Variants in SOX5 observed in about 807,000 individuals in gnomAD.
The protein encoded by SOX5 is transcription factor SOX-5.
In SOX5, 9 loss-of-function variants were observed where a neutral mutation model predicts 92.0. That is an observed-to-expected ratio of 0.10 (90% CI 0.06 to 0.17). SOX5 has a LOEUF of 0.17. Ranked by LOEUF, SOX5 falls within the 10% of genes least tolerant of loss-of-function variation. SOX5 has a pLI of 1.00. For synonymous variants in SOX5, 344 were observed against 336.3 expected (o/e 1.02, Z -0.25); for missense variants, 642 against 944.5 (o/e 0.68, Z 4.20).
intron 1 of SOX5, among the ~76,000 whole-genome samples, chr12:24,369,102 G>A (rs1595984963): frequency 6.6e-6 from 1 of 152,304 alleles, no homozygotes; most frequent in Admixed American, 6.5e-5. Context: ...CGCCTAGCAT[G>A]CTGTCTGACA....
intron 1 of SOX5, among the ~76,000 whole-genome samples, chr12:23,916,474 T>C (rs118042602): frequency 0.016 from 2,500 of 152,264 alleles, 33 homozygotes; most frequent in Non-Finnish European, 0.027. Flanking sequence ...TTACTTGCCA[T>C]ATGGACTGTC....
intron 2 of SOX5, among the ~76,000 whole-genome samples, chr12:24,344,656 G>C (rs1389178754): frequency 6.6e-6 from 1 of 152,164 alleles, no homozygotes; most frequent in East Asian, 1.9e-4. Flanking sequence ...AGGTGGAGTG[G>C]AATTTGCCAG....
At chr12:24,017,085 G>A (rs6487369) in intron 4 of SOX5, among the ~76,000 whole-genome samples, 60,104 of 152,054 alleles carry the variant, frequency 0.4, 12,426 homozygotes, top group East Asian at 0.62. Flanking sequence ...GTGAGGCAGT[G>A]TCGAGCCACT....
Position 23,895,899 on chromosome 12 carries a change from T to A in SOX5, c.164A>T (p.His55Leu). 1 of 1,614,062 alleles carries A rather than the reference T, an allele frequency of 6.2e-7. No individual in the cohort carries two copies. Among genetic ancestry groups the A allele is most frequent in the Admixed American group, 1.7e-5 (1 of 60,022 alleles). ...DGLPAFHLPL[H>L]VSFPNKPHSE... ...GTGAGGCTTGTTGGGAAAACTCACA[T>A]GCAAGGGAAGGTGAAAGGCTGGGAG... The change falls in exon 2 of 15, where the codon CAT (histidine) becomes CTT (leucine). Residue 55 changes from histidine to leucine, a missense_variant. By Grantham distance (99) the His-to-Leu change is moderately conservative. Transcript: ENST00000451604.
chr12:24,307,000 G>A (rs1948641128), intron 2 of SOX5, among the ~76,000 whole-genome samples: 1 of 152,078 alleles, frequency 6.6e-6, no homozygotes. Flanking sequence ...GATGGTGGCT[G>A]AGCAGGAAGA....
At chr12:24,353,148 G>C (rs563988793) in intron 2 of SOX5, among the ~76,000 whole-genome samples, 1 of 152,242 alleles carries the variant, frequency 6.6e-6, no homozygotes, top group East Asian at 1.9e-4. Flanking sequence ...AAACCCCATT[G>C]GTCAAATCTT....
chr12:24,277,977 G>A (rs1944691256), intron 2 of SOX5, among the ~76,000 whole-genome samples: 1 of 152,076 alleles, frequency 6.6e-6, no homozygotes, highest in Admixed American at 6.6e-5. Flanking sequence ...ATAAAATTCT[G>A]GCTTTGTTAC....
intron 4 of SOX5, among the ~76,000 whole-genome samples, chr12:23,966,998 T>C (rs1947660484): frequency 1.3e-5 from 2 of 152,186 alleles, no homozygotes. Flanking sequence ...TGAGATGCTT[T>C]CTAGCAGCTG....
In SOX5 at chr12:24,073,349, G is replaced by A. The variant is rs189581567; in HGVS notation, c.-2+139994C>T. Among the ~76,000 whole-genome samples the A allele has an allele frequency of 4.1e-4, 62 of 152,156 alleles. No homozygotes were observed. In the East Asian group the frequency reaches 6.4e-3, roughly 16 times the overall value. On this transcript the variant is annotated intron_variant, in intron 4 of 4. Transcript: ENST00000446891. ...CAAAAAACAAACAAACATAAAAACC[G>A]ACACATGCTTCTAAAAATTTAAGTT...
At chr12:24,269,822 G>C (rs1943480890) in intron 3 of SOX5, among the ~76,000 whole-genome samples, 1 of 145,412 alleles carries the variant, frequency 6.9e-6, no homozygotes, top group African/African-American at 2.5e-5. Context: ...GGGAATACAG[G>C]CATGTTCCAC....
chr12:23,703,428 G>T (rs1301315101), intron 6 of SOX5, among the ~76,000 whole-genome samples: 2 of 151,892 alleles, frequency 1.3e-5, no homozygotes, highest in Non-Finnish European at 2.9e-5. Flanking sequence ...ATTCAAACAG[G>T]CAGGCCCACA....
At chr12:24,236,395 T>A (rs781633152) in intron 3 of SOX5, among the ~76,000 whole-genome samples, 2 of 152,150 alleles carry the variant, frequency 1.3e-5, no homozygotes, top group Non-Finnish European at 2.9e-5. Context: ...GATATAGAGT[T>A]ACCACCTGTA....
At chr12:24,172,277 C>A (rs1422108219) in intron 4 of SOX5, among the ~76,000 whole-genome samples, 1 of 152,058 alleles carries the variant, frequency 6.6e-6, no homozygotes, top group East Asian at 1.9e-4. Flanking sequence ...TGAGTCACGC[C>A]TGTAATCCCA....
intron 1 of SOX5, among the ~76,000 whole-genome samples, chr12:24,510,792 A>G (rs1597445183): frequency 6.6e-6 from 1 of 152,226 alleles, no homozygotes; most frequent in African/African-American, 2.4e-5. Context: ...ATTTTGAGGT[A>G]TCTGGCCTCA....
chr12:23,657,216 G>A lies in SOX5; in HGVS notation c.931+8228C>T, dbSNP rs188934602. On this transcript the variant is annotated intron_variant, in intron 7 of 14. Transcript: ENST00000451604. Reference sequence around the variant, plus strand: ...GGAAAGCCGTAAAATCAATAAGAGAGCAAGCCTGAGACTGGATGTCATGGA... The same window carrying A: ...GGAAAGCCGTAAAATCAATAAGAGAACAAGCCTGAGACTGGATGTCATGGA... 1.9e-3 allele frequency among the ~76,000 whole-genome samples: 284 copies of A among 152,184 alleles called. 1 individual carries two copies. The highest frequency in any genetic ancestry group is 3.6e-3 in the Non-Finnish European group (244 of 67,938).
At chr12:24,466,737 G>A (rs1167820516) in intron 1 of SOX5, among the ~76,000 whole-genome samples, 1 of 152,004 alleles carries the variant, frequency 6.6e-6, no homozygotes, top group Non-Finnish European at 1.5e-5. Context: ...GATTACCCAT[G>A]ACATTTTTCA....
At chr12:24,176,977 G>GTTTTTTTTTTTTTTTTTTTTT (rs11295163) in intron 4 of SOX5, among the ~76,000 whole-genome samples, 3 of 135,102 alleles carry the variant, frequency 2.2e-5, no homozygotes, top group African/African-American at 2.8e-5. Context: ...TTTGTTTTTT[G>GTTTTTTTTTTTTTTTTTTTTT]TTTTTTTTTT....
chr12:24,051,308 T>C (rs1404275003), intron 4 of SOX5, among the ~76,000 whole-genome samples: 1 of 152,154 alleles, frequency 6.6e-6, no homozygotes. Context: ...CTCAAATTTT[T>C]AATAAGACTA....
At chr12:24,201,652 T>C (rs1957529675) in intron 4 of SOX5, among the ~76,000 whole-genome samples, 1 of 152,248 alleles carries the variant, frequency 6.6e-6, no homozygotes, top group African/African-American at 2.4e-5. Flanking sequence ...CTCAAGTTGC[T>C]ATCGATCCTT....
Sources: allele counts gnomAD v4.1 joint callset (sites outside exome capture counted in the v4.1 genomes callset), GRCh38; gene constraint gnomAD v4.1.1; transcripts MANE v1.5; gene names NCBI Gene and HGNC (gene_info 2026-07-23, HGNC 2026-07-21).